The following N4BP2L2 variants were observed in gnomAD, a reference collection of about 807,000 sequenced individuals.
The protein encoded by N4BP2L2 is NEDD4-binding protein 2-like 2.
N4BP2L2 carries 50 observed loss-of-function variants against 56.2 expected under a neutral mutation model. The ratio of observed to expected loss-of-function variants is 0.89; its 90% CI spans 0.71 to 1.13. The LOEUF (loss-of-function observed/expected upper bound fraction) is 1.13, where lower values mean the gene tolerates loss of function less well. Among genes scored for constraint, N4BP2L2 ranks in the 50% most tolerant of loss-of-function variants. N4BP2L2 has a pLI of 0.00. For synonymous variants in N4BP2L2, 203 were observed against 223.6 expected (o/e 0.91, Z 0.82); for missense variants, 689 against 693.8 (o/e 0.99, Z 0.08).
At chr13:32,497,847 C>T (rs1430995973) in intron 6 of N4BP2L2, among the ~76,000 whole-genome samples, 1 of 152,172 alleles carries the variant, frequency 6.6e-6, no homozygotes, top group Non-Finnish European at 1.5e-5. Context: ...TCTCTCACTA[C>T]TCTAGTATGC....
chr13:32,517,999 T>C lies in N4BP2L2; in HGVS notation c.1555A>G (p.Asn519Asp), dbSNP rs375638963. Reference sequence around the variant, plus strand: ...TTCTTTCGAGACACACCATGTTTATTCCTCCTAACAAAAAAGAAAAGGATT... The same window carrying C: ...TTCTTTCGAGACACACCATGTTTATCCCTCCTAACAAAAAAGAAAAGGATT... Residue 519 changes from asparagine (N) to aspartate (D), a missense_variant, in exon 6 of 6, where the codon AAT becomes GAT. Coordinates refer to ENST00000267068, the Ensembl canonical transcript of N4BP2L2. The C allele has an allele frequency of 8.7e-6, 14 of 1,612,352 alleles. No individual in the cohort carries two copies. In the African/African-American group the frequency reaches 1.9e-4, roughly 22 times the overall value.
chr13:32,502,948 A>G (rs1458709909), intron 6 of N4BP2L2, among the ~76,000 whole-genome samples: 1 of 152,136 alleles, frequency 6.6e-6, no homozygotes, highest in African/African-American at 2.4e-5. Flanking sequence ...CGAGGTGGAC[A>G]GATCACCTGA....
intron 6 of N4BP2L2, among the ~76,000 whole-genome samples, chr13:32,475,403 G>A (rs2083121768): frequency 6.6e-6 from 1 of 152,166 alleles, no homozygotes; most frequent in African/African-American, 2.4e-5. Flanking sequence ...ATCCAAGAGA[G>A]GGTCTCCAAA....
At chr13:32,517,612 CA>C in exon 6 of N4BP2L2, 1 of 1,378,422 alleles carries the variant, frequency 7.3e-7, no homozygotes, top group South Asian at 1.7e-5. Context: ...AATATAAAAA[CA>C]TTTAAAATAC....
intron 6 of N4BP2L2, among the ~76,000 whole-genome samples, chr13:32,474,836 C>T (rs924512029): frequency 6.6e-6 from 1 of 152,170 alleles, no homozygotes. Flanking sequence ...AAAGGATTAT[C>T]TGAAAGAGTA....
chr13:32,461,278 T>C (rs1004942737), intron 6 of N4BP2L2, among the ~76,000 whole-genome samples: 2 of 152,126 alleles, frequency 1.3e-5, no homozygotes, highest in African/African-American at 4.8e-5. Context: ...CTTAATTAAA[T>C]TTAAAAGCTT....
chr13:32,469,084 C>T (rs1021896792), intron 6 of N4BP2L2, among the ~76,000 whole-genome samples: 21 of 152,336 alleles, frequency 1.4e-4, no homozygotes, highest in African/African-American at 4.8e-4. Context: ...TCAACTGCTA[C>T]GGTCCCCCGA....
At chr13:32,441,752 AG>A (rs1445552669) in intron 7 of N4BP2L2, among the ~76,000 whole-genome samples, 1 of 149,384 alleles carries the variant, frequency 6.7e-6, no homozygotes, top group Non-Finnish European at 1.5e-5. Context: ...AAAAGAAAGT[AG>A]AAAGGTTTGG....
At chr13:32,515,688 A>C (rs925259046) in exon 6 of N4BP2L2, 3 of 152,170 alleles carry the variant, frequency 2.0e-5, no homozygotes, top group African/African-American at 7.2e-5. Context: ...TGTTTCTCCC[A>C]AAGGTAATAC....
chr13:32,436,283 T>G, intron 9 of N4BP2L2: 3 of 660,588 alleles, frequency 4.5e-6, no homozygotes, highest in Non-Finnish European at 7.4e-6. Context: ...ATAATACATA[T>G]GAGCTATTAC....
At chr13:32,528,297 A>G (rs2053662012) in intron 2 of N4BP2L2, among the ~76,000 whole-genome samples, 1 of 152,236 alleles carries the variant, frequency 6.6e-6, no homozygotes, top group Non-Finnish European at 1.5e-5. Flanking sequence ...ATTTCCATGA[A>G]GCATATATGA....
intron 6 of N4BP2L2, among the ~76,000 whole-genome samples, chr13:32,476,966 C>T (rs959242595): frequency 6.6e-6 from 1 of 152,118 alleles, no homozygotes; most frequent in Admixed American, 6.6e-5. Flanking sequence ...ATAACTGAGC[C>T]AAAGTAGTGA....
intron 7 of N4BP2L2, among the ~76,000 whole-genome samples, chr13:32,441,232 C>G (rs907369957): frequency 2.0e-5 from 3 of 152,150 alleles, no homozygotes; most frequent in Non-Finnish European, 2.9e-5. Flanking sequence ...CTTCAGTATC[C>G]TTTTCAGACT....
chr13:32,442,281 G>T (rs2076510588), intron 7 of N4BP2L2: 1 of 1,001,910 alleles, frequency 1.0e-6, no homozygotes, highest in Non-Finnish European at 1.4e-6. Flanking sequence ...AGCATCACGA[G>T]ATTAATAAAC....
In N4BP2L2 at chr13:32,444,101, G is replaced by C. The variant is rs779536993; in HGVS notation, c.391C>G (p.His131Asp). ...TTCTGTTTGGTTTTGCTGAGCCTAT[G>C]CCCAGTTTTCTTCAAAACTCTTTCT... Residue 131 changes from histidine to aspartate, a missense_variant, in exon 7 of 10, where the codon CAT (histidine) becomes GAT (aspartate). Physicochemically the swap from His to Asp is moderately conservative, Grantham distance 81 (BLOSUM62 -1). Coordinates refer to the N4BP2L2 transcript ENST00000357505. 18 of 1,532,008 alleles carry C rather than the reference G, an allele frequency of 1.2e-5. No homozygotes were observed. In the South Asian group the frequency reaches 2.2e-4, roughly 19 times the overall value. The allele number at this position is 1,532,008 out of a possible 1,614,324, so 94.9% of individuals were successfully genotyped here.
At chr13:32,492,272 A>ATTTTTTTTTTTTTTTTTTTTTTTT (rs1185615708) in intron 6 of N4BP2L2, among the ~76,000 whole-genome samples, 3 of 77,098 alleles carry the variant, frequency 3.9e-5, no homozygotes, top group African/African-American at 1.7e-4. Context: ...AAAACACCAA[A>ATTTTTTTTTTTTTTTTTTTTTTTT]ATTTTTTTTT....
rs755677854 is a variant in N4BP2L2, at chr13:32,452,063, C to CT, written c.366-7938dup. On this transcript the variant is annotated intron_variant, in intron 6 of 9. Transcript: ENST00000357505. ...TCCAGCTTTTTTTCTTTTTCTTTTT[C>CT]TTTTTTTTTTTTTTTGGGATGGAGT... Among the ~76,000 whole-genome samples, 581 of 60,654 alleles carry CT rather than the reference C, an allele frequency of 9.6e-3. 3 individuals are homozygous for CT. Among genetic ancestry groups the CT allele is most frequent in the Middle Eastern group, 0.022 (3 of 138 alleles). 39.8% of individuals were successfully genotyped at this position (60,654 alleles called of 152,430 possible).
intron 4 of N4BP2L2, 148 bp downstream of exon 4, chr13:32,522,033 AT>A: frequency 1.7e-6 from 1 of 599,610 alleles, no homozygotes; most frequent in Admixed American, 3.6e-5. Context: ...ATCATTCACA[AT>A]TTTTTTAAAA....
chr13:32,487,521 T>A (rs1270100688), intron 6 of N4BP2L2, among the ~76,000 whole-genome samples: 1 of 148,966 alleles, frequency 6.7e-6, no homozygotes, highest in Non-Finnish European at 1.5e-5. Flanking sequence ...AGATAAAATA[T>A]TCAGGCCAGG....
Sources: gnomAD v4.1 joint callset for allele counts (sites outside exome capture counted in the v4.1 genomes callset) on GRCh38, gnomAD v4.1.1 for gene constraint, MANE v1.5 for transcripts, NCBI Gene and HGNC (gene_info 2026-07-23, HGNC 2026-07-21) for gene names.